The following SOS2 variants were observed in gnomAD, a reference collection of about 807,000 sequenced individuals.
The protein encoded by SOS2 is son of sevenless homolog 2.
Under a neutral mutation model 148.2 loss-of-function variants are expected in SOS2, and 65 were observed. The ratio of observed to expected loss-of-function variants is 0.44; its 90% CI spans 0.36 to 0.54. SOS2 has a LOEUF of 0.54. Among genes scored for constraint, SOS2 ranks in the 20% least tolerant of loss-of-function variants. The pLI is 0.00. For synonymous variants in SOS2, 539 were observed against 537.1 expected (o/e 1.00, Z -0.05); for missense variants, 1,341 against 1,590.2 (o/e 0.84, Z 2.67).
At chr14:50,199,629 A>T (rs1886419474) in intron 4 of SOS2, 62 bp downstream of exon 4, 2 of 981,204 alleles carry the variant, frequency 2.0e-6, no homozygotes, top group Non-Finnish European at 3.0e-6. Flanking sequence ...ACACAAAAAG[A>T]TTGAGGCAGA....
chr14:50,160,843 T>A (rs1002966942), intron 9 of SOS2, among the ~76,000 whole-genome samples: 3 of 151,468 alleles, frequency 2.0e-5, no homozygotes, highest in Non-Finnish European at 4.4e-5. Context: ...CAACAAAAAA[T>A]ACAAAAATTA....
At chr14:50,190,173 T>C (rs1459703522) in intron 4 of SOS2, among the ~76,000 whole-genome samples, 2 of 151,994 alleles carry the variant, frequency 1.3e-5, no homozygotes, top group East Asian at 3.9e-4. Context: ...ATTTTATAAT[T>C]AATAATACTT....
chr14:50,187,220 C>G (rs1045486128), intron 5 of SOS2, among the ~76,000 whole-genome samples: 1 of 152,122 alleles, frequency 6.6e-6, no homozygotes, highest in Non-Finnish European at 1.5e-5. Flanking sequence ...CTCTGTTACC[C>G]AGGCTGGTCT....
At position 50,189,074 on chromosome 14, in the gene SOS2, C is replaced by T. The variant is rs979393881; in HGVS notation, c.511-374G>A. ...AGCGAGACTCCATCACACACACACA[C>T]ACACACACACACACACACACACACA... On this transcript the variant is annotated intron_variant, in intron 4 of 22. Coordinates refer to ENST00000216373, the MANE Select transcript of SOS2 (RefSeq NM_006939.4). Among the ~76,000 whole-genome samples the T allele has an allele frequency of 6.8e-4, 101 of 149,302 alleles. 1 individual carries two copies. The East Asian group carries it at 0.013, about 19-fold the overall frequency.
chr14:50,118,608 A>C lies in SOS2; in HGVS notation c.3735T>G (p.Asp1245Glu), dbSNP rs752525400. 3.1e-6 allele frequency: 5 copies of C among 1,614,062 alleles called. No individual in the cohort carries two copies. The highest frequency in any genetic ancestry group is 1.7e-6 in the Non-Finnish European group (2 of 1,180,026). The change falls in exon 23 of 23, where the codon GAT becomes GAG. Residue 1245 changes from aspartate (D) to glutamate (E), a missense_variant. Asp to Glu is a conservative substitution (Grantham distance 45, BLOSUM62 2). Coordinates refer to ENST00000216373, the MANE Select transcript of SOS2 (RefSeq NM_006939.4). ...QPPPLGHLHR[D>E]SDWLRDISTC... Reference sequence around the variant, plus strand: ...TACTAATGTCTCTGAGCCAGTCTGAATCTCTGTGAAGATGCCCCAGTGGAG... The same window carrying C: ...TACTAATGTCTCTGAGCCAGTCTGACTCTCTGTGAAGATGCCCCAGTGGAG...
At chr14:50,149,715 G>C (rs553098070) in intron 14 of SOS2, among the ~76,000 whole-genome samples, 1 of 152,272 alleles carries the variant, frequency 6.6e-6, no homozygotes, top group East Asian at 1.9e-4. Flanking sequence ...TGACTTGACT[G>C]ACTGACCTCA....
At position 50,192,657 on chromosome 14, in the gene SOS2, A is replaced by G. The variant is rs527654277; in HGVS notation, c.511-3957T>C. Among the ~76,000 whole-genome samples the G allele has an allele frequency of 9.2e-5, 14 of 152,268 alleles. No individual in the cohort carries two copies. In the South Asian group the frequency reaches 2.3e-3, roughly 25 times the overall value. On this transcript the variant is annotated intron_variant, in intron 4 of 22. Coordinates refer to ENST00000216373, the MANE Select transcript of SOS2 (RefSeq NM_006939.4). ...GGCAGGCAGATCACTTGAGGTCAGG[A>G]GTTCGAGACCAGCCTGGCCAACACG...
intron 1 of SOS2, among the ~76,000 whole-genome samples, chr14:50,209,321 G>GTC (rs1555323143): frequency 7.1e-6 from 1 of 141,762 alleles, no homozygotes; most frequent in Non-Finnish European, 1.5e-5. Flanking sequence ...GTGTGTGTGT[G>GTC]TCTCCTATTG....
intron 1 of SOS2, among the ~76,000 whole-genome samples, chr14:50,226,027 CTTG>C (rs1187837743): frequency 2.1e-5 from 3 of 141,828 alleles, no homozygotes; most frequent in Admixed American, 7.1e-5. Context: ...CTTTTTTTTT[CTTG>C]TTAATTCTAC....
intron 16 of SOS2, among the ~76,000 whole-genome samples, chr14:50,144,531 G>A (rs1172175282): frequency 6.6e-6 from 1 of 152,074 alleles, no homozygotes; most frequent in South Asian, 2.1e-4. Flanking sequence ...GCTGCCTCCT[G>A]AGTTCAAGCA....
At chr14:50,223,657 A>G (rs917992664) in intron 1 of SOS2, among the ~76,000 whole-genome samples, 1 of 151,938 alleles carries the variant, frequency 6.6e-6, no homozygotes, top group Non-Finnish European at 1.5e-5. Flanking sequence ...CCTGGCAAAA[A>G]AGCGAGACTC....
intron 1 of SOS2, among the ~76,000 whole-genome samples, chr14:50,218,708 A>C (rs1887110918): frequency 6.6e-6 from 1 of 152,234 alleles, no homozygotes; most frequent in African/African-American, 2.4e-5. Flanking sequence ...CACTGCTATT[A>C]GAATGGCTAA....
At chr14:50,140,879 T>C (rs958796465) in intron 16 of SOS2, among the ~76,000 whole-genome samples, 1 of 152,100 alleles carries the variant, frequency 6.6e-6, no homozygotes, top group South Asian at 2.1e-4. Context: ...ACTGCATTTC[T>C]AGATATCATC....
At chr14:50,231,709 C>T (rs944871889), upstream of SOS2, among the ~76,000 whole-genome samples, 5 of 151,828 alleles carry the variant, frequency 3.3e-5, no homozygotes, top group African/African-American at 9.7e-5. Context: ...CTGCTCGTCT[C>T]CTCATCGCCT....
At chr14:50,133,522 C>G (rs975883515) in intron 19 of SOS2, among the ~76,000 whole-genome samples, 2 of 152,062 alleles carry the variant, frequency 1.3e-5, no homozygotes, top group African/African-American at 4.8e-5. Context: ...TTGAAGTCCC[C>G]TCATATATCA....
intron 16 of SOS2, among the ~76,000 whole-genome samples, chr14:50,142,463 A>G (rs530756211): frequency 6.6e-6 from 1 of 152,348 alleles, no homozygotes; most frequent in East Asian, 1.9e-4. Context: ...TAAATAAATA[A>G]TGTTAAAAGA....
In SOS2 at chr14:50,174,759, T is replaced by C. The variant is rs528872191; in HGVS notation, c.970-207A>G. 6.6e-5 allele frequency among the ~76,000 whole-genome samples: 10 copies of C among 152,348 alleles called. No individual in the cohort carries two copies. The South Asian group carries it at 2.1e-3, about 32-fold the overall frequency. On this transcript the variant is annotated intron_variant, in intron 7 of 22. Transcript: ENST00000216373. Reference sequence around the variant, plus strand: ...TAAGTTATTAGAGAAATATATACATTAATTTTCTTTTATGTGGCTAAAATA... The same window carrying C: ...TAAGTTATTAGAGAAATATATACATCAATTTTCTTTTATGTGGCTAAAATA...
At chr14:50,122,315 T>C (rs1327638341) in intron 21 of SOS2, among the ~76,000 whole-genome samples, 1 of 151,750 alleles carries the variant, frequency 6.6e-6, no homozygotes, top group Non-Finnish European at 1.5e-5. Context: ...TTGCCAGTTA[T>C]GATTTTGAGG....
At chr14:50,231,147 G>C in intron 1 of SOS2, 50 bp downstream of exon 1, 2 of 1,158,950 alleles carry the variant, frequency 1.7e-6, no homozygotes, top group Non-Finnish European at 2.3e-6. Context: ...CCCGTTAGAA[G>C]CTCGGGGGGC....
Sources: allele counts gnomAD v4.1 joint callset (sites outside exome capture counted in the v4.1 genomes callset), GRCh38; gene constraint gnomAD v4.1.1; transcripts MANE v1.5; gene names NCBI Gene and HGNC (gene_info 2026-07-23, HGNC 2026-07-21).